LIMCH1: variants seen among roughly 807,000 people sequenced by gnomAD.
The protein encoded by LIMCH1 is LIM and calponin homology domains 1, also known as LIM and calponin homology domains-containing protein 1.
LIMCH1 carries 113 observed loss-of-function variants against 176.5 expected under a neutral mutation model. The observed-to-expected ratio is 0.64, with a 90% CI of 0.55 to 0.75. The LOEUF (loss-of-function observed/expected upper bound fraction) is 0.75. Among genes scored for constraint, LIMCH1 ranks in the 30% least tolerant of loss-of-function variants. The pLI is 0.00. For missense variants in LIMCH1, 1,674 were observed against 1,814.9 expected (o/e 0.92, Z 1.41); for synonymous variants, 619 against 645.9 (o/e 0.96, Z 0.63).
At position 41,369,939 on chromosome 4, in the gene LIMCH1, A is replaced by AGTGTGTGTGTGT. The variant is rs113302113; in HGVS notation, c.96+9012_96+9023dup. Among the ~76,000 whole-genome samples, 751 of 138,336 alleles carry AGTGTGTGTGTGT rather than the reference A, an allele frequency of 5.4e-3. 8 individuals are homozygous for AGTGTGTGTGTGT. The highest frequency in any genetic ancestry group is 0.02 in the African/African-American group (700 of 35,028). 90.8% of individuals were successfully genotyped at this position (138,336 alleles called of 152,430 possible). Reference sequence around the variant, plus strand: ...CTGTTGCTGCCCTGACAGGAAGCAAAGTGTGTGTGTGTGTGTGTGTTTTGT... The same window carrying AGTGTGTGTGTGT: ...CTGTTGCTGCCCTGACAGGAAGCAAAGTGTGTGTGTGTGTGTGTGTGTGTGTGTGTGTTTTGT... On this transcript the variant is annotated intron_variant, in intron 1 of 26. Coordinates refer to the LIMCH1 transcript ENST00000313860.
intron 1 of LIMCH1, among the ~76,000 whole-genome samples, chr4:41,381,273 G>A (rs1211890913): frequency 6.6e-6 from 1 of 152,186 alleles, no homozygotes; most frequent in Non-Finnish European, 1.5e-5. Flanking sequence ...GTACAGCACA[G>A]CACCAACCAA....
chr4:41,485,859 A>G (rs2069436445), intron 1 of LIMCH1, among the ~76,000 whole-genome samples: 1 of 152,146 alleles, frequency 6.6e-6, no homozygotes, highest in African/African-American at 2.4e-5. Flanking sequence ...ACCAGTTAGG[A>G]GACCCTTGAC....
upstream of LIMCH1, chr4:41,360,657 CG>C (rs2051840580): frequency 3.2e-6 from 1 of 315,930 alleles, no homozygotes; most frequent in South Asian, 1.5e-4. The surrounding 1 kb of genome is among the most constrained non-coding windows in gnomAD (Gnocchi z 4.5). Flanking sequence ...CGGGCGGCGC[CG>C]GGAACAGCTG....
chr4:41,419,677 CTTCCTCCTTCCTTCCTTCCTTCCT>C (rs1561312201), intron 1 of LIMCH1, among the ~76,000 whole-genome samples: 906 of 74,386 alleles, frequency 0.012, 31 homozygotes, highest in Non-Finnish European at 0.012. Flanking sequence ...TCCTTCCTTC[CTTCCTCCTTCCTTCCTTCCTTCCT>C]TCCTTCCTTC....
chr4:41,629,662 T>C lies in LIMCH1; in HGVS notation c.1199T>C (p.Phe400Ser). Residue 400 changes from phenylalanine to serine, a missense_variant, in exon 9 of 32, where the codon TTC (phenylalanine) becomes TCC (serine). By Grantham distance (155) the Phe-to-Ser change is radical. Around this residue, in one of 3 missense-constraint regions of LIMCH1, gnomAD observed 655 missense variants for 692.2 expected, o/e 0.95. Coordinates refer to ENST00000503057, the MANE Select transcript of LIMCH1 (RefSeq NM_001330672.2). The part of the protein sequence containing the change: ...SLAPHREPPS[F>S]ITLSNITEAD... ...GCCCCTCACCGCGAGCCCCCGAGCT[T>C]CATTACGCTCTCCAACATAACAGAA... is the stretch of plus-strand genomic sequence containing the variant. The C allele has an allele frequency of 6.5e-7, 1 of 1,536,044 alleles. No homozygotes were observed. The highest frequency in any genetic ancestry group is 8.7e-7 in the Non-Finnish European group (1 of 1,146,906).
rs181469909 is a variant in LIMCH1, at chr4:41,527,389, A to C, written c.237+2911A>C. 9.8e-5 allele frequency among the ~76,000 whole-genome samples: 15 copies of C among 152,356 alleles called. No homozygotes were observed. The East Asian group carries it at 2.9e-3, about 29-fold the overall frequency. On this transcript the variant is annotated intron_variant, in intron 3 of 26. Coordinates refer to the LIMCH1 transcript ENST00000313860. ...GCCATGATCAAACTTACCGATATCT[A>C]TAATGGGTCCAAATGATGTTAGATG...
At chr4:41,515,179 A>G (rs748811040) in intron 2 of LIMCH1, among the ~76,000 whole-genome samples, 3 of 152,144 alleles carry the variant, frequency 2.0e-5, no homozygotes, top group Non-Finnish European at 4.4e-5. Flanking sequence ...TTAAAGCCCA[A>G]TTTTGGCAGA....
intron 1 of LIMCH1, among the ~76,000 whole-genome samples, chr4:41,585,011 G>C (rs906891225): frequency 2.6e-5 from 4 of 151,948 alleles, no homozygotes; most frequent in Non-Finnish European, 5.9e-5. Flanking sequence ...TGCTCTCTGG[G>C]GTCTCTTTTA....
intron 1 of LIMCH1, among the ~76,000 whole-genome samples, chr4:41,555,740 G>T (rs1365685459): frequency 2.0e-5 from 3 of 152,002 alleles, no homozygotes; most frequent in Non-Finnish European, 4.4e-5. Flanking sequence ...AGACTGTAGA[G>T]TGTTATTTTA....
intron 21 of LIMCH1, among the ~76,000 whole-genome samples, chr4:41,668,872 T>A (rs1237005492): frequency 6.6e-6 from 1 of 152,140 alleles, no homozygotes; most frequent in Non-Finnish European, 1.5e-5. Flanking sequence ...AGAGAGCTTG[T>A]GTAGGGAAAC....
intron 1 of LIMCH1, among the ~76,000 whole-genome samples, chr4:41,591,563 C>A (rs992641702): frequency 6.6e-6 from 1 of 151,976 alleles, no homozygotes; most frequent in Non-Finnish European, 1.5e-5. Flanking sequence ...ATTTTTAGGG[C>A]AAATATTTGT....
chr4:41,534,710 T>C (rs1050540169), upstream of LIMCH1, among the ~76,000 whole-genome samples: 4 of 151,580 alleles, frequency 2.6e-5, no homozygotes, highest in Non-Finnish European at 4.4e-5. Flanking sequence ...ATTTTTTTTT[T>C]CTATAACCAC....
At chr4:41,362,513 A>G (rs905255216) in intron 1 of LIMCH1, among the ~76,000 whole-genome samples, 1 of 152,134 alleles carries the variant, frequency 6.6e-6, no homozygotes, top group Non-Finnish European at 1.5e-5. Context: ...AGAGACTTCG[A>G]GTGTGGGTGG....
intron 1 of LIMCH1, among the ~76,000 whole-genome samples, chr4:41,366,261 C>T (rs1237658683): frequency 3.3e-5 from 5 of 152,090 alleles, no homozygotes; most frequent in Admixed American, 3.3e-4. Flanking sequence ...GTTGGCCCCT[C>T]GAAGTGGCGC....
chr4:41,685,970 G>A (rs1270629077), intron 28 of LIMCH1, 140 bp downstream of exon 28: 2 of 859,718 alleles, frequency 2.3e-6, no homozygotes, highest in African/African-American at 1.7e-5. Context: ...TCATTGACAA[G>A]GTAGTCAATA....
chr4:41,485,053 T>C (rs1475728256), intron 1 of LIMCH1, among the ~76,000 whole-genome samples: 1 of 152,246 alleles, frequency 6.6e-6, no homozygotes, highest in Non-Finnish European at 1.5e-5. Flanking sequence ...AGCATACTCA[T>C]ATACAGTGTT....
intron 1 of LIMCH1, among the ~76,000 whole-genome samples, chr4:41,426,103 G>GC (rs2061067058): frequency 7.1e-6 from 1 of 140,120 alleles, no homozygotes; most frequent in African/African-American, 2.7e-5. Flanking sequence ...CTCACTGCAA[G>GC]TTCCGCCTCC....
intron 1 of LIMCH1, among the ~76,000 whole-genome samples, chr4:41,442,835 T>C (rs1272251146): frequency 6.6e-6 from 1 of 152,216 alleles, no homozygotes; most frequent in Non-Finnish European, 1.5e-5. Context: ...TATACATCAG[T>C]CATTTAACCA....
At chr4:41,599,112 C>A (rs1000876227) in intron 2 of LIMCH1, 86 bp downstream of exon 2, 1 of 773,726 alleles carries the variant, frequency 1.3e-6, no homozygotes, top group Non-Finnish European at 2.2e-6. Context: ...TTCTAAGAGA[C>A]AGAGAATTGG....
Sources: gnomAD v4.1 joint callset for allele counts (sites outside exome capture counted in the v4.1 genomes callset) on GRCh38, gnomAD v4.1.1 for gene constraint, gnomAD v4.1.1 regional missense constraint, Gnocchi (gnomAD v3.1) non-coding constraint, MANE v1.5 for transcripts, NCBI Gene and HGNC (gene_info 2026-07-23, HGNC 2026-07-21) for gene names.